The following SEMA6D variants were observed in gnomAD, a reference collection of about 807,000 sequenced individuals.
SEMA6D encodes the protein semaphorin 6D, also known as semaphorin-6D.
A neutral mutation model predicts 106.6 loss-of-function variants in SEMA6D; 35 were observed. That is an observed-to-expected ratio of 0.33 (90% CI 0.25 to 0.44). The LOEUF (loss-of-function observed/expected upper bound fraction) is 0.44. Among genes scored for constraint, SEMA6D ranks in the 20% least tolerant of loss-of-function variants. The pLI is 1.00. For missense variants in SEMA6D, 1,185 were observed against 1,345.9 expected (o/e 0.88, Z 1.87); for synonymous variants, 499 against 487.7 (o/e 1.02, Z -0.31).
At chr15:47,426,951 A>G (rs913875903) in intron 2 of SEMA6D, among the ~76,000 whole-genome samples, 1 of 152,148 alleles carries the variant, frequency 6.6e-6, no homozygotes, top group Non-Finnish European at 1.5e-5. Flanking sequence ...TAGAGTTTAA[A>G]TGGTAGAAAT....
In SEMA6D at chr15:47,507,166, C is replaced by T. The variant is rs567217399; in HGVS notation, c.-87+36621C>T. ...TCTTCCTCCTTTCCACTGAGTCCAC[C>T]ATATTTGGCCCAATGATGAGAAAAC... On this transcript the variant is annotated intron_variant, in intron 3 of 19. Coordinates refer to the SEMA6D transcript ENST00000558014. Among the ~76,000 whole-genome samples, 7 of 152,296 alleles carry T rather than the reference C, an allele frequency of 4.6e-5. No individual in the cohort carries two copies. The East Asian group carries it at 1.3e-3, about 29-fold the overall frequency.
intron 2 of SEMA6D, among the ~76,000 whole-genome samples, chr15:47,449,883 C>G (rs2042136852): frequency 6.6e-6 from 1 of 152,006 alleles, no homozygotes; most frequent in Non-Finnish European, 1.5e-5. Flanking sequence ...TCTCAAAATG[C>G]ATATTTAGAT....
chr15:47,596,573 TA>T (rs1420364128), intron 3 of SEMA6D, among the ~76,000 whole-genome samples: 1 of 151,986 alleles, frequency 6.6e-6, no homozygotes, highest in Admixed American at 6.6e-5. Context: ...CATATTGGCA[TA>T]AAAATAGATA....
intron 2 of SEMA6D, chr15:47,470,363 C>T (rs965394507): frequency 2.7e-5 from 4 of 148,378 alleles, no homozygotes; most frequent in African/African-American, 1.0e-4. Flanking sequence ...GAATTATGAA[C>T]CTAATTCCAA....
intron 3 of SEMA6D, among the ~76,000 whole-genome samples, chr15:47,498,785 A>G (rs1327592618): frequency 6.6e-6 from 1 of 152,136 alleles, no homozygotes; most frequent in African/African-American, 2.4e-5. Flanking sequence ...AGAGGCCCGC[A>G]TGACTGCAGA....
At chr15:47,227,997 TA>T (rs2031892619) in intron 1 of SEMA6D, among the ~76,000 whole-genome samples, 1 of 115,618 alleles carries the variant, frequency 8.6e-6, no homozygotes, top group African/African-American at 2.8e-5. Context: ...GATTCTTATA[TA>T]TTTTATATAT....
At chr15:47,211,738 TA>T (rs1221245803) in intron 1 of SEMA6D, among the ~76,000 whole-genome samples, 1 of 152,172 alleles carries the variant, frequency 6.6e-6, no homozygotes, top group Non-Finnish European at 1.5e-5. Flanking sequence ...ATTGTAATCT[TA>T]CTGTCAAGAA....
At chr15:47,577,148 A>T (rs538685042) in intron 3 of SEMA6D, among the ~76,000 whole-genome samples, 4 of 152,374 alleles carry the variant, frequency 2.6e-5, no homozygotes, top group African/African-American at 7.2e-5. Flanking sequence ...TTTCTGTTTC[A>T]CAATCTTCAT....
intron 1 of SEMA6D, among the ~76,000 whole-genome samples, chr15:47,365,718 G>C (rs1038254908): frequency 1.3e-5 from 2 of 151,902 alleles, no homozygotes; most frequent in South Asian, 4.2e-4. Context: ...AAAATTAGCC[G>C]GGCATGGTGG....
intron 2 of SEMA6D, among the ~76,000 whole-genome samples, chr15:47,449,784 G>C (rs775082510): frequency 2.0e-5 from 3 of 152,002 alleles, no homozygotes; most frequent in Admixed American, 6.6e-5. Flanking sequence ...TAATGCAATA[G>C]AGCACAATCC....
intron 3 of SEMA6D, among the ~76,000 whole-genome samples, chr15:47,597,646 T>C (rs1434123681): frequency 6.6e-6 from 1 of 151,878 alleles, no homozygotes; most frequent in Non-Finnish European, 1.5e-5. Flanking sequence ...TTCTCACTTA[T>C]ATATGGAGTC....
At chr15:47,485,888 A>T (rs905433081) in intron 3 of SEMA6D, among the ~76,000 whole-genome samples, 1 of 152,234 alleles carries the variant, frequency 6.6e-6, no homozygotes, top group African/African-American at 2.4e-5. Flanking sequence ...GATTGAGTCC[A>T]CAGAGCTAAT....
chr15:47,414,960 T>G (rs949640165), intron 2 of SEMA6D, among the ~76,000 whole-genome samples: 4 of 152,190 alleles, frequency 2.6e-5, no homozygotes, highest in African/African-American at 9.6e-5. Flanking sequence ...GTAAAAGGGG[T>G]TTAATATTTA....
intron 4 of SEMA6D, among the ~76,000 whole-genome samples, chr15:47,680,043 A>T (rs551891542): frequency 1.3e-5 from 2 of 152,184 alleles, no homozygotes; most frequent in East Asian, 3.9e-4. Context: ...CTGCATGAGG[A>T]CCCCAAGAAG....
At chr15:47,345,876 T>G (rs1036378534) in intron 1 of SEMA6D, among the ~76,000 whole-genome samples, 1 of 152,158 alleles carries the variant, frequency 6.6e-6, no homozygotes, top group Non-Finnish European at 1.5e-5. Flanking sequence ...GTGATCAATA[T>G]GTATGTTCTC....
intron 4 of SEMA6D, among the ~76,000 whole-genome samples, chr15:47,638,994 C>G (rs1194576060): frequency 6.6e-6 from 1 of 152,206 alleles, no homozygotes. Context: ...GTGGCTTCCT[C>G]TCACATCCGT....
At chr15:47,705,416 A>G (rs2078895244) in intron 4 of SEMA6D, among the ~76,000 whole-genome samples, 1 of 152,210 alleles carries the variant, frequency 6.6e-6, no homozygotes, top group African/African-American at 2.4e-5. Flanking sequence ...CATTATCTCA[A>G]CATTACTGAA....
chr15:47,762,467 A>G, intron 8 of SEMA6D, 148 bp downstream of exon 8: 1 of 904,084 alleles, frequency 1.1e-6, no homozygotes, highest in Non-Finnish European at 1.6e-6. Context: ...GAACAGGAGC[A>G]TTGACAGGGA....
intron 4 of SEMA6D, among the ~76,000 whole-genome samples, chr15:47,613,488 A>C (rs562116531): frequency 5.3e-5 from 8 of 152,180 alleles, no homozygotes; most frequent in Non-Finnish European, 1.2e-4. Flanking sequence ...TAATACAAAA[A>C]TTACCAGGTA....
Sources: gnomAD v4.1 joint callset for allele counts (sites outside exome capture counted in the v4.1 genomes callset) on GRCh38, gnomAD v4.1.1 for gene constraint, MANE v1.5 for transcripts, NCBI Gene and HGNC (gene_info 2026-07-23, HGNC 2026-07-21) for gene names.